GPC5: variants seen among roughly 807,000 people sequenced by gnomAD.
GPC5 encodes glypican 5, also known as glypican-5.
In GPC5, 47 loss-of-function variants were observed where a neutral mutation model predicts 53.9. The ratio of observed to expected loss-of-function variants is 0.87; its 90% CI spans 0.69 to 1.11. GPC5 has a LOEUF of 1.11. Among genes scored for constraint, GPC5 ranks in the 50% most tolerant of loss-of-function variants. The pLI, the probability that GPC5 is intolerant of heterozygous loss-of-function variation, is 0.00. For synonymous variants in GPC5, 286 were observed against 263.3 expected, an observed-to-expected ratio of 1.09 and a Z score of -0.84; for missense variants, 748 against 713.1, an observed-to-expected ratio of 1.05 and a Z score of -0.56.
intron 7 of GPC5, among the ~76,000 whole-genome samples, chr13:92,721,382 A>G (rs1266566655): frequency 6.6e-6 from 1 of 152,076 alleles, no homozygotes; most frequent in African/African-American, 2.4e-5. Context: ...TAGGTAAAAT[A>G]AAACAAAATT....
intron 4 of GPC5, among the ~76,000 whole-genome samples, chr13:91,736,545 T>C (rs189202415): frequency 6.6e-6 from 1 of 151,314 alleles, no homozygotes; most frequent in Admixed American, 6.6e-5. Context: ...TGAGAACAGT[T>C]GTTGACTTGT....
chr13:91,557,769 A>G (rs1379288657), intron 2 of GPC5, among the ~76,000 whole-genome samples: 1 of 152,116 alleles, frequency 6.6e-6, no homozygotes, highest in Non-Finnish European at 1.5e-5. Flanking sequence ...ATTGCAAGAA[A>G]AAGATGTTCT....
At chr13:92,210,300 T>G (rs757664563) in intron 7 of GPC5, among the ~76,000 whole-genome samples, 8 of 152,188 alleles carry the variant, frequency 5.3e-5, no homozygotes, top group Non-Finnish European at 8.8e-5. Flanking sequence ...TATTTCTTTT[T>G]TATAGTGGAT....
chr13:92,740,564 T>G (rs577807139), intron 7 of GPC5, among the ~76,000 whole-genome samples: 1 of 152,168 alleles, frequency 6.6e-6, no homozygotes, highest in South Asian at 2.1e-4. Flanking sequence ...ATGTTGAGCA[T>G]TAAATAACTA....
At chr13:91,629,328 A>G (rs149608252) in intron 2 of GPC5, among the ~76,000 whole-genome samples, 1,621 of 152,264 alleles carry the variant, frequency 0.011, 33 homozygotes, top group African/African-American at 0.036. Flanking sequence ...TCTGAAATGC[A>G]TAGAAAGAAT....
chr13:92,716,239 C>T (rs1299703491), intron 7 of GPC5, among the ~76,000 whole-genome samples: 1 of 151,906 alleles, frequency 6.6e-6, no homozygotes, highest in Admixed American at 6.6e-5. Context: ...TAAGAAGATC[C>T]CTCCATTTTC....
intron 2 of GPC5, among the ~76,000 whole-genome samples, chr13:91,504,026 T>C (rs764605407): frequency 6.6e-6 from 1 of 151,946 alleles, no homozygotes; most frequent in Non-Finnish European, 1.5e-5. Context: ...AACAATTTAA[T>C]GTTATGAAAT....
chr13:92,363,207 G>C (rs1303191956), intron 7 of GPC5, among the ~76,000 whole-genome samples: 1 of 151,570 alleles, frequency 6.6e-6, no homozygotes, highest in Non-Finnish European at 1.5e-5. Flanking sequence ...ATTCCCACAG[G>C]GCTAGGAATA....
At chr13:91,834,559 T>C (rs1186663798) in intron 5 of GPC5, among the ~76,000 whole-genome samples, 1 of 152,056 alleles carries the variant, frequency 6.6e-6, no homozygotes, top group Non-Finnish European at 1.5e-5. Context: ...TATAGACCAA[T>C]GGAACAGAAC....
At chr13:92,441,330 A>G (rs1877549916) in intron 7 of GPC5, among the ~76,000 whole-genome samples, 1 of 152,192 alleles carries the variant, frequency 6.6e-6, no homozygotes, top group South Asian at 2.1e-4. Flanking sequence ...GGGCCTCCCA[A>G]AGTGCTGGGA....
At chr13:92,743,701 A>C (rs1202204915) in intron 7 of GPC5, among the ~76,000 whole-genome samples, 9 of 152,154 alleles carry the variant, frequency 5.9e-5, no homozygotes, top group Non-Finnish European at 1.2e-4. Context: ...TTGTCCATTC[A>C]GTATGATATT....
intron 7 of GPC5, among the ~76,000 whole-genome samples, chr13:92,723,164 G>T (rs1427446562): frequency 6.6e-6 from 1 of 151,504 alleles, no homozygotes; most frequent in East Asian, 1.9e-4. Context: ...ATTCGATATA[G>T]CTATATGAAA....
intron 7 of GPC5, among the ~76,000 whole-genome samples, chr13:92,462,013 G>A (rs566762111): frequency 1.3e-4 from 20 of 152,282 alleles, no homozygotes; most frequent in African/African-American, 4.6e-4. Context: ...ATGCCAGTGC[G>A]GCTGAACCCG....
chr13:92,003,213 C>T (rs995329506), intron 6 of GPC5, among the ~76,000 whole-genome samples: 2 of 151,220 alleles, frequency 1.3e-5, no homozygotes. Context: ...CCCAGCTACT[C>T]AGGAGACTGA....
chr13:91,902,737 C>CA (rs1037589572), intron 5 of GPC5, among the ~76,000 whole-genome samples: 13 of 151,884 alleles, frequency 8.6e-5, no homozygotes, highest in Admixed American at 4.6e-4. Flanking sequence ...TTATTGGTTA[C>CA]AAAAAAATTT....
intron 3 of GPC5, among the ~76,000 whole-genome samples, chr13:91,724,716 G>C (rs9556112): frequency 0.044 from 6,717 of 152,064 alleles, 196 homozygotes; most frequent in East Asian, 0.062. Flanking sequence ...AATAAGCCAG[G>C]CATGGTGGCA....
At chr13:92,623,160 T>TATC (rs1884930857) in intron 7 of GPC5, among the ~76,000 whole-genome samples, 1 of 146,798 alleles carries the variant, frequency 6.8e-6, no homozygotes, top group Non-Finnish European at 1.5e-5. Flanking sequence ...AGTGAGATTC[T>TATC]ATCTCAAAAA....
At chr13:91,734,644 C>G (rs2036775575) in intron 4 of GPC5, among the ~76,000 whole-genome samples, 3 of 151,422 alleles carry the variant, frequency 2.0e-5, no homozygotes, top group South Asian at 4.1e-4. Context: ...GGTTCTTTCT[C>G]AAGGGATCCC....
chr13:92,744,134 A>C (rs978406932), intron 7 of GPC5, among the ~76,000 whole-genome samples: 6 of 152,130 alleles, frequency 3.9e-5, no homozygotes, highest in African/African-American at 1.2e-4. Context: ...GATAGAAAGT[A>C]GACAGAGAGG....
Sources: allele counts gnomAD v4.1 joint callset (sites outside exome capture counted in the v4.1 genomes callset), GRCh38; gene constraint gnomAD v4.1.1; transcripts MANE v1.5; gene names NCBI Gene and HGNC (gene_info 2026-07-23, HGNC 2026-07-21).